ZSWIM6: variants seen among roughly 807,000 people sequenced by gnomAD.
ZSWIM6 encodes zinc finger SWIM domain-containing protein 6.
A neutral mutation model predicts 113.2 loss-of-function variants in ZSWIM6; 9 were observed. The observed-to-expected ratio is 0.08, with a 90% CI of 0.05 to 0.14. The LOEUF is 0.14. Among genes scored for constraint, ZSWIM6 ranks in the 10% least tolerant of loss-of-function variants. The pLI is 1.00. For synonymous variants in ZSWIM6, 611 were observed against 606.5 expected, an observed-to-expected ratio of 1.01 and a Z score of -0.11; for missense variants, 1,162 against 1,552.2, an observed-to-expected ratio of 0.75 and a Z score of 4.22.
At chr5:61,434,786 GA>G (rs1289908196) in intron 1 of ZSWIM6, among the ~76,000 whole-genome samples, 5 of 152,114 alleles carry the variant, frequency 3.3e-5, no homozygotes, top group African/African-American at 1.2e-4. Flanking sequence ...TTTTTTATGG[GA>G]GGGGTGGAGT....
intron 1 of ZSWIM6, among the ~76,000 whole-genome samples, chr5:61,422,775 T>C (rs529011727): frequency 6.8e-4 from 104 of 152,294 alleles, no homozygotes; most frequent in African/African-American, 2.4e-3. Flanking sequence ...ATTCTAGAGA[T>C]CTTTCACTTC....
intron 1 of ZSWIM6, among the ~76,000 whole-genome samples, chr5:61,349,371 A>G (rs1038175187): frequency 2.6e-5 from 4 of 152,220 alleles, no homozygotes; most frequent in African/African-American, 9.6e-5. Flanking sequence ...ACTTGAATGA[A>G]TGATAGCCTT....
intron 1 of ZSWIM6, among the ~76,000 whole-genome samples, chr5:61,349,996 G>T (rs1389405291): frequency 6.6e-6 from 1 of 152,146 alleles, no homozygotes; most frequent in Non-Finnish European, 1.5e-5. Flanking sequence ...TGCTACACTG[G>T]TCTCCAAAAT....
In ZSWIM6 at chr5:61,375,856, C is replaced by T; in HGVS notation, c.676+42908C>T. On this transcript the variant is annotated intron_variant, in intron 1 of 13. Transcript: ENST00000252744. ...TAGTTCAAGTCCTGACTCACCGTAA[C>T]ATTAAGAAAAATCAGGATTCCCTTA... The T allele has an allele frequency of 7.0e-6, 7 of 996,354 alleles. No individual in the cohort carries two copies. In the Admixed American group the frequency reaches 1.1e-4, roughly 15 times the overall value. 61.7% of individuals were successfully genotyped at this position (996,354 alleles called of 1,614,324 possible). A position where few individuals can be genotyped will look rare whatever the true frequency, so the allele number is the denominator to read the frequency against.
At chr5:61,356,664 TATAATATATATAAC>T (rs1404582247) in intron 1 of ZSWIM6, among the ~76,000 whole-genome samples, 3 of 143,058 alleles carry the variant, frequency 2.1e-5, no homozygotes, top group Non-Finnish European at 4.5e-5. Context: ...TTGATATATA[TATAATATATATAAC>T]ATAATATATA....
intron 1 of ZSWIM6, among the ~76,000 whole-genome samples, chr5:61,463,169 T>C (rs935809299): frequency 6.6e-6 from 1 of 152,228 alleles, no homozygotes; most frequent in Non-Finnish European, 1.5e-5. Context: ...AAGATTTTAC[T>C]GAAAAGATGA....
intron 1 of ZSWIM6, among the ~76,000 whole-genome samples, chr5:61,408,935 T>C (rs569841275): frequency 1.0e-3 from 157 of 152,176 alleles, no homozygotes; most frequent in Non-Finnish European, 1.7e-3. Context: ...GAGGCCTGCG[T>C]GTGACTGATG....
At chr5:61,349,546 A>G (rs1744739266) in intron 1 of ZSWIM6, among the ~76,000 whole-genome samples, 1 of 152,110 alleles carries the variant, frequency 6.6e-6, no homozygotes, top group South Asian at 2.1e-4. Context: ...GCTGGTTTTC[A>G]GTACTGGGTT....
At chr5:61,345,282 A>G (rs1167857081) in intron 1 of ZSWIM6, among the ~76,000 whole-genome samples, 1 of 152,216 alleles carries the variant, frequency 6.6e-6, no homozygotes, top group East Asian at 1.9e-4. Flanking sequence ...CTAGTAATAT[A>G]TTTAAAACTT....
At chr5:61,373,358 T>C (rs1037215731) in intron 1 of ZSWIM6, among the ~76,000 whole-genome samples, 23 of 151,542 alleles carry the variant, frequency 1.5e-4, no homozygotes, top group Admixed American at 5.3e-4. Context: ...TAAAATTTCT[T>C]CTACTCAGTA....
intron 1 of ZSWIM6, among the ~76,000 whole-genome samples, chr5:61,443,386 A>C (rs1746878557): frequency 6.6e-6 from 1 of 152,184 alleles, no homozygotes; most frequent in Non-Finnish European, 1.5e-5. Context: ...TACTCATAAC[A>C]CACCTATATA....
rs913731645 is a variant in ZSWIM6, at chr5:61,332,409, C to A, written c.137C>A (p.Pro46Gln). ...GGYSSACRPG[P>Q]RAGGAAAAAA... ...TACAGCTCTGCCTGTCGGCCAGGCC[C>A]GCGGGCGGGTGGCGCGGCGGCGGCG... is the stretch of plus-strand genomic sequence containing the variant. The change falls in exon 1 of 14, where the codon CCG becomes CAG. Residue 46 changes from proline to glutamine, a missense_variant. Physicochemically the swap from Pro to Gln is moderately conservative, Grantham distance 76 (BLOSUM62 -1). Transcript: ENST00000252744. 3.0e-6 allele frequency: 3 copies of A among 993,994 alleles called. No homozygotes were observed. Among genetic ancestry groups the A allele is most frequent in the Non-Finnish European group, 3.6e-6 (3 of 838,278 alleles). 61.6% of individuals were successfully genotyped at this position (993,994 alleles called of 1,614,324 possible). A position where few individuals can be genotyped will look rare whatever the true frequency, so the allele number is the denominator to read the frequency against.
intron 1 of ZSWIM6, among the ~76,000 whole-genome samples, chr5:61,394,074 A>G (rs1235628153): frequency 6.6e-6 from 1 of 152,206 alleles, no homozygotes; most frequent in East Asian, 1.9e-4. Flanking sequence ...ATTTATATTG[A>G]TGCTCTGTTT....
intron 1 of ZSWIM6, among the ~76,000 whole-genome samples, chr5:61,359,452 A>G (rs2112050885): frequency 6.6e-6 from 1 of 152,284 alleles, no homozygotes; most frequent in East Asian, 1.9e-4. Context: ...ATGACCTGGA[A>G]GCTGCAAGCA....
intron 1 of ZSWIM6, among the ~76,000 whole-genome samples, chr5:61,456,890 C>CTTTTTTTTTTT (rs57188174): frequency 7.0e-6 from 1 of 142,754 alleles, no homozygotes. Context: ...TATCCAATTT[C>CTTTTTTTTTTT]TTTTTTTTTT....
At chr5:61,473,135 A>G in intron 2 of ZSWIM6, 98 bp downstream of exon 2, 9 of 746,606 alleles carry the variant, frequency 1.2e-5, no homozygotes, top group Non-Finnish European at 1.8e-5. Flanking sequence ...TGTGAAATAG[A>G]TCATCAGCAT....
chr5:61,426,392 C>T (rs1399499480), intron 1 of ZSWIM6, among the ~76,000 whole-genome samples: 2 of 152,096 alleles, frequency 1.3e-5, no homozygotes, highest in Non-Finnish European at 2.9e-5. Flanking sequence ...TTTGCTTTAC[C>T]ACTTGATACA....
At chr5:61,444,172 C>T (rs534519661) in intron 1 of ZSWIM6, among the ~76,000 whole-genome samples, 153 of 145,514 alleles carry the variant, frequency 1.1e-3, no homozygotes, top group African/African-American at 3.7e-3. Context: ...TGTTCAATTC[C>T]CACCTATGAG....
intron 1 of ZSWIM6, among the ~76,000 whole-genome samples, chr5:61,470,002 T>A (rs1384748378): frequency 6.6e-6 from 1 of 152,234 alleles, no homozygotes; most frequent in Non-Finnish European, 1.5e-5. Flanking sequence ...CCACCACTCC[T>A]GGCCAATAGT....
Sources: gnomAD v4.1 joint callset for allele counts (sites outside exome capture counted in the v4.1 genomes callset) on GRCh38, gnomAD v4.1.1 for gene constraint, MANE v1.5 for transcripts, NCBI Gene and HGNC (gene_info 2026-07-23, HGNC 2026-07-21) for gene names.